ROBO2: variants seen among roughly 807,000 people sequenced by gnomAD.
ROBO2 encodes roundabout homolog 2.
ROBO2 carries 53 observed loss-of-function variants against 160.8 expected under a neutral mutation model. The observed-to-expected ratio is 0.33, with a 90% CI of 0.26 to 0.41. ROBO2 has a LOEUF of 0.41. Ranked by LOEUF, ROBO2 falls within the 10% of genes least tolerant of loss-of-function variation. The probability of loss-of-function intolerance (pLI) is 1.00; values close to 1 mark genes in which losing one functional copy is unlikely to be tolerated. For synonymous variants in ROBO2, 664 were observed against 611.7 expected (o/e 1.09, Z -1.26); for missense variants, 1,577 against 1,722.4 (o/e 0.92, Z 1.49).
chr3:76,567,376 T>C (rs973584834), intron 2 of ROBO2, among the ~76,000 whole-genome samples: 1 of 152,056 alleles, frequency 6.6e-6, no homozygotes, highest in Non-Finnish European at 1.5e-5. Flanking sequence ...TTTAATACCC[T>C]GCCAGTGCTA....
At chr3:76,053,126 A>G (rs2067709122) in intron 2 of ROBO2, among the ~76,000 whole-genome samples, 1 of 152,038 alleles carries the variant, frequency 6.6e-6, no homozygotes, top group African/African-American at 2.4e-5. Flanking sequence ...ATATCATAAC[A>G]AAGATGTTGA....
At chr3:77,218,429 C>T (rs1457796886) in intron 2 of ROBO2, among the ~76,000 whole-genome samples, 1 of 149,224 alleles carries the variant, frequency 6.7e-6, no homozygotes, top group African/African-American at 2.5e-5. Context: ...AGCTTGAGTG[C>T]AGTGGCGTGA....
At chr3:77,627,906 C>T (rs766092366) in intron 23 of ROBO2, among the ~76,000 whole-genome samples, 44 of 152,026 alleles carry the variant, frequency 2.9e-4, no homozygotes, top group Admixed American at 3.9e-4. Flanking sequence ...CATTTATCAG[C>T]AAGGAAAGAT....
At chr3:76,078,637 T>C (rs1232807905) in intron 2 of ROBO2, among the ~76,000 whole-genome samples, 1 of 152,150 alleles carries the variant, frequency 6.6e-6, no homozygotes, top group African/African-American at 2.4e-5. Flanking sequence ...AGTGCTGGGA[T>C]TATAGGTGTG....
chr3:76,281,661 C>T (rs533936406), intron 2 of ROBO2, among the ~76,000 whole-genome samples: 23 of 151,716 alleles, frequency 1.5e-4, no homozygotes, highest in Non-Finnish European at 2.9e-4. Context: ...TCTTAGATAC[C>T]GGACAAAATT....
At chr3:76,895,873 T>C (rs2074729945) in intron 2 of ROBO2, among the ~76,000 whole-genome samples, 1 of 152,194 alleles carries the variant, frequency 6.6e-6, no homozygotes, top group Admixed American at 6.5e-5. Flanking sequence ...TTTGTATTTC[T>C]CACTTTGCAA....
chr3:76,275,705 C>G (rs1317741009), intron 2 of ROBO2, among the ~76,000 whole-genome samples: 1 of 152,026 alleles, frequency 6.6e-6, no homozygotes, highest in African/African-American at 2.4e-5. Context: ...CTTTAAAAAC[C>G]TACTTTCTGG....
intron 2 of ROBO2, among the ~76,000 whole-genome samples, chr3:76,170,693 T>C (rs1056552334): frequency 2.6e-5 from 4 of 152,178 alleles, no homozygotes; most frequent in Admixed American, 1.3e-4. Flanking sequence ...CTTAGGCCTA[T>C]AGAATTGCTG....
intron 2 of ROBO2, among the ~76,000 whole-genome samples, chr3:77,401,869 T>A (rs568501127): frequency 6.6e-6 from 1 of 152,272 alleles, no homozygotes; most frequent in Non-Finnish European, 1.5e-5. Flanking sequence ...TTGAACTAAT[T>A]TACACTCCTA....
intron 2 of ROBO2, among the ~76,000 whole-genome samples, chr3:77,182,316 G>A (rs975067459): frequency 1.3e-5 from 2 of 152,050 alleles, no homozygotes; most frequent in African/African-American, 4.8e-5. Flanking sequence ...CATACTTGGG[G>A]TTAAGCTGGG....
chr3:77,141,598 C>T (rs2076709561), intron 2 of ROBO2, among the ~76,000 whole-genome samples: 2 of 152,262 alleles, frequency 1.3e-5, no homozygotes, highest in South Asian at 4.1e-4. Context: ...GGATTTATGA[C>T]CCATTCTTGA....
intron 2 of ROBO2, among the ~76,000 whole-genome samples, chr3:76,357,155 A>G (rs1475342023): frequency 6.6e-6 from 1 of 151,918 alleles, no homozygotes; most frequent in Non-Finnish European, 1.5e-5. Flanking sequence ...AATACTACAC[A>G]GCTGTTTAAA....
chr3:76,487,484 T>G (rs2079561470), intron 2 of ROBO2, among the ~76,000 whole-genome samples: 1 of 152,222 alleles, frequency 6.6e-6, no homozygotes, highest in Admixed American at 6.5e-5. Flanking sequence ...AAATGAATCT[T>G]CTAATACTTT....
chr3:76,414,956 G>C lies in ROBO2; in HGVS notation c.109+477354G>C, dbSNP rs1011469152. On this transcript the variant is annotated intron_variant, in intron 2 of 26. Transcript: ENST00000487694. ...AATGCTTCTTATCAATTGAATTTCT[G>C]TCCTCACCAGGTCTTCATGACATCA... Among the ~76,000 whole-genome samples the C allele has an allele frequency of 7.2e-5, 11 of 152,154 alleles. No homozygotes were observed. The East Asian group carries it at 1.9e-3, about 27-fold the overall frequency.
rs201449720 is a variant in ROBO2 at position 76,935,017 on chromosome 3, A to ATAAC, written c.110-162995_110-162992dup. On this transcript the variant is annotated intron_variant, in intron 2 of 26. Transcript: ENST00000487694. ...GCCCAGGCTGGAGTTCAGTGGTCTG[A>ATAAC]TAACTGCTCACTGCAGTCTTGACTC... 5.4e-3 allele frequency among the ~76,000 whole-genome samples: 801 copies of ATAAC among 147,912 alleles called. 9 individuals carry two copies. The highest frequency in any genetic ancestry group is 0.019 in the African/African-American group (763 of 39,846).
At chr3:76,470,987 A>G (rs2078624118) in intron 2 of ROBO2, among the ~76,000 whole-genome samples, 1 of 149,754 alleles carries the variant, frequency 6.7e-6, no homozygotes, top group African/African-American at 2.5e-5. Flanking sequence ...ATGCTCTTCT[A>G]CAAGATGTTT....
chr3:76,949,014 G>T (rs1167828600), intron 2 of ROBO2, among the ~76,000 whole-genome samples: 5 of 146,458 alleles, frequency 3.4e-5, no homozygotes, highest in Admixed American at 6.8e-5. Context: ...GCCTCCCAAA[G>T]TGCTGGGATT....
intron 2 of ROBO2, among the ~76,000 whole-genome samples, chr3:76,261,152 T>G (rs1706719546): frequency 1.3e-5 from 2 of 150,262 alleles, no homozygotes; most frequent in African/African-American, 4.9e-5. Flanking sequence ...CTCAAATTTT[T>G]CTTTTAAACT....
At chr3:76,276,261 G>A (rs921147035) in intron 2 of ROBO2, among the ~76,000 whole-genome samples, 1 of 151,944 alleles carries the variant, frequency 6.6e-6, no homozygotes, top group African/African-American at 2.4e-5. Flanking sequence ...GCTAGCTATA[G>A]AGCAGAAATT....
Sources: allele counts gnomAD v4.1 joint callset (sites outside exome capture counted in the v4.1 genomes callset), GRCh38; gene constraint gnomAD v4.1.1; transcripts MANE v1.5; gene names NCBI Gene and HGNC (gene_info 2026-07-23, HGNC 2026-07-21).